Variants in MS4A7 observed in about 807,000 individuals in gnomAD.
The protein encoded by MS4A7 is membrane spanning 4-domains A7.
MS4A7 carries 21 observed loss-of-function variants against 23.5 expected under a neutral mutation model. That is an observed-to-expected ratio of 0.89 (90% CI 0.63 to 1.29). MS4A7 has a LOEUF of 1.29. Among genes scored for constraint, MS4A7 ranks in the 50% most tolerant of loss-of-function variants. The pLI is 0.00. For synonymous variants in MS4A7, 111 were observed against 107.4 expected (o/e 1.03, Z -0.21); for missense variants, 263 against 274.2 (o/e 0.96, Z 0.29).
rs1453981449 is a variant in MS4A7, at chr11:60,395,684, G to A, written c.*1823G>A. ...GCTAAAATATTCTCTGTTATAAAGG[G>A]GCAACTCCATCTGGTCCTATAGCAT... On this transcript the variant is annotated 3_prime_UTR_variant, in exon 7 of 7. Transcript: ENST00000300184. 2.6e-5 allele frequency: 4 copies of A among 151,692 alleles called. No homozygotes were observed. The highest frequency in any genetic ancestry group is 9.7e-5 in the African/African-American group (4 of 41,284). 9.4% of individuals were successfully genotyped at this position (151,692 alleles called of 1,614,324 possible).
intron 3 of MS4A7, chr11:60,386,430 TCTC>T (rs1346541572): frequency 5.7e-6 from 2 of 352,500 alleles, no homozygotes; most frequent in African/African-American, 4.2e-5. Context: ...GTAACACTCT[TCTC>T]CTTCCCAGGT....
chr11:60,378,711 T>C (rs1412004899), intron 1 of MS4A7, 47 bp downstream of exon 1: 1 of 152,216 alleles, frequency 6.6e-6, no homozygotes, highest in Admixed American at 6.5e-5. Context: ...GATTGTGTGC[T>C]TTTGAAAAGA....
In MS4A7 at chr11:60,394,830, A is replaced by G. The variant is rs1372943107; in HGVS notation, c.*969A>G. 2.5e-6 allele frequency: 1 copy of G among 393,782 alleles called. No homozygotes were observed. Among genetic ancestry groups the G allele is most frequent in the Non-Finnish European group, 4.4e-6 (1 of 224,886 alleles). The allele number at this position is 393,782 out of a possible 1,614,324, so 24.4% of individuals were successfully genotyped here. A position where few individuals can be genotyped will look rare whatever the true frequency, so the allele number is the denominator to read the frequency against. ...AATAAATAAAAAAATAAATAAAAAT[A>G]AAAATAGACTATATATAGTCTTTGA... On this transcript the variant is annotated 3_prime_UTR_variant, in exon 7 of 7. Coordinates refer to ENST00000300184, the MANE Select transcript of MS4A7 (RefSeq NM_021201.5).
chr11:60,392,559 AG>A lies in MS4A7; in HGVS notation c.547-124del, dbSNP rs371341736. 2,021 of 643,440 alleles carry A rather than the reference AG, an allele frequency of 3.1e-3. 27 individuals carry two copies. Among genetic ancestry groups the A allele is most frequent in the South Asian group, 0.021 (1,005 of 47,254 alleles). The allele number at this position is 643,440 out of a possible 1,614,324, so 39.9% of individuals were successfully genotyped here. A position where few individuals can be genotyped will look rare whatever the true frequency, so the allele number is the denominator to read the frequency against. On this transcript the variant is annotated intron_variant, in intron 5 of 6. Coordinates refer to ENST00000300184, the MANE Select transcript of MS4A7 (RefSeq NM_021201.5). ...AAATCTGAAAAAGAAAGCAGAAAAGAGGATTAAGCAATTTTCCCTGTCTCCT... is the reference window on the plus strand; with the variant it reads ...AAATCTGAAAAAGAAAGCAGAAAAGAGATTAAGCAATTTTCCCTGTCTCCT...
chr11:60,390,357 C>T (rs2085538027), intron 5 of MS4A7, among the ~76,000 whole-genome samples: 1 of 152,168 alleles, frequency 6.6e-6, no homozygotes, highest in Non-Finnish European at 1.5e-5. Flanking sequence ...GGTGTTAAAA[C>T]CATAAACCAG....
intron 4 of MS4A7, among the ~76,000 whole-genome samples, chr11:60,387,125 G>C (rs1170953156): frequency 4.6e-5 from 7 of 152,188 alleles, no homozygotes; most frequent in African/African-American, 1.7e-4. Context: ...CCCAGAGAGA[G>C]CCTACAGATC....
chr11:60,381,445 G>A (rs546622487), intron 1 of MS4A7, among the ~76,000 whole-genome samples: 8 of 152,308 alleles, frequency 5.3e-5, no homozygotes, highest in Non-Finnish European at 1.2e-4. Context: ...GAAATAAAAT[G>A]GAGGTCCAAA....
At chr11:60,389,622 T>C (rs1333077042) in intron 5 of MS4A7, 26 bp downstream of exon 5, 2 of 1,596,632 alleles carry the variant, frequency 1.3e-6, no homozygotes, top group South Asian at 2.2e-5. Flanking sequence ...CTGAATATCC[T>C]GTCATGTGAA....
intron 1 of MS4A7, among the ~76,000 whole-genome samples, chr11:60,381,694 A>C (rs1446120557): frequency 6.6e-6 from 1 of 152,236 alleles, no homozygotes; most frequent in Non-Finnish European, 1.5e-5. Context: ...GGAGTTTATC[A>C]CATGCCTCCC....
In MS4A7 at chr11:60,385,224, T is replaced by C. The variant is rs2085473044; in HGVS notation, c.282+2T>C. Reference sequence around the variant, plus strand: ...TACCCATTTTTAGGAGCTCTGTGTGTGAGTAGAATGGGGACTCTAAGAGGG... The same window carrying C: ...TACCCATTTTTAGGAGCTCTGTGTGCGAGTAGAATGGGGACTCTAAGAGGG... On this transcript the variant is annotated splice_donor_variant, in intron 3 of 6. Coordinates refer to ENST00000300184, the MANE Select transcript of MS4A7 (RefSeq NM_021201.5). LOFTEE classifies it high-confidence loss of function. 1 of 1,613,986 alleles carries C rather than the reference T, an allele frequency of 6.2e-7. No homozygotes were observed. Among genetic ancestry groups the C allele is most frequent in the Admixed American group, 1.7e-5 (1 of 59,996 alleles).
chr11:60,392,859 G>T, intron 6 of MS4A7, 73 bp downstream of exon 6: 1 of 1,096,770 alleles, frequency 9.1e-7, no homozygotes, highest in Middle Eastern at 2.1e-4. Context: ...ACCTCAAAAA[G>T]TGGCAAAAAG....
chr11:60,389,431 T>C lies in MS4A7; in HGVS notation c.381T>C (p.Thr127=). 1 of 1,613,938 alleles carries C rather than the reference T, an allele frequency of 6.2e-7. No homozygotes were observed. The highest frequency in any genetic ancestry group is 8.5e-7 in the Non-Finnish European group (1 of 1,179,880). The part of the protein sequence containing the change: ...SLTSNAVSSV[T]AGAGLFLLAD... ...CCTCAAATGCAGTGAGTTCTGTTAC[T>C]GCAGGAGCAGGCCTCTTCCTCCTTG... Residue 127 remains threonine, a synonymous_variant, in exon 5 of 7, where the codon ACT becomes ACC. Transcript: ENST00000300184.
At chr11:60,380,201 A>G (rs1043260957) in intron 1 of MS4A7, among the ~76,000 whole-genome samples, 1 of 152,248 alleles carries the variant, frequency 6.6e-6, no homozygotes. Context: ...AAAGATGTCT[A>G]CAGAATAATG....
chr11:60,393,738 A>G (rs1348319920), intron 6 of MS4A7, 49 bp from the exon 7 acceptor site: 1 of 1,452,552 alleles, frequency 6.9e-7, no homozygotes, highest in Non-Finnish European at 9.5e-7. Context: ...ATCTTTTTTA[A>G]TCTCCGAAAT....
At chr11:60,389,639 G>C in intron 5 of MS4A7, 43 bp downstream of exon 5, 1 of 1,544,400 alleles carries the variant, frequency 6.5e-7, no homozygotes, top group African/African-American at 1.4e-5. Context: ...TGAAATCTCT[G>C]TGTCTCCCCT....
intron 3 of MS4A7, chr11:60,386,368 C>T (rs181162381): frequency 3.0e-4 from 65 of 217,112 alleles, no homozygotes; most frequent in African/African-American, 1.5e-3. Context: ...TCTCTCTGTC[C>T]ATTCAAGTCA....
In MS4A7 at chr11:60,395,005, T is replaced by C. The variant is rs1565170509; in HGVS notation, c.*1144T>C. 4 of 627,032 alleles carry C rather than the reference T, an allele frequency of 6.4e-6. No homozygotes were observed. The highest frequency in any genetic ancestry group is 1.2e-5 in the Non-Finnish European group (4 of 344,838). 38.8% of individuals were successfully genotyped at this position (627,032 alleles called of 1,614,324 possible). On this transcript the variant is annotated 3_prime_UTR_variant, in exon 7 of 7. Coordinates refer to ENST00000300184, the MANE Select transcript of MS4A7 (RefSeq NM_021201.5). ...AGTTACAGATAATCTCTGACTGGCA[T>C]GTTTTCTGCTTCTAGCTTGGAGCTA...
At chr11:60,386,862 A>G in intron 4 of MS4A7, 89 bp downstream of exon 4, 1 of 1,151,770 alleles carries the variant, frequency 8.7e-7, no homozygotes, top group Non-Finnish European at 1.2e-6. Flanking sequence ...CTATTTTACA[A>G]TTTAGAGAGA....
At chr11:60,380,772 G>GAGA (rs2085420145) in intron 1 of MS4A7, among the ~76,000 whole-genome samples, 1 of 152,210 alleles carries the variant, frequency 6.6e-6, no homozygotes. Context: ...TATTCCCTAA[G>GAGA]ATCAGCAATG....
Sources: allele counts gnomAD v4.1 joint callset (sites outside exome capture counted in the v4.1 genomes callset), GRCh38; gene constraint gnomAD v4.1.1; transcripts MANE v1.5; gene names NCBI Gene and HGNC (gene_info 2026-07-23, HGNC 2026-07-21).